Variants in DCTN5 observed in about 807,000 individuals in gnomAD.
The protein encoded by DCTN5 is dynactin 4.
In DCTN5, 14 loss-of-function variants were observed where a neutral mutation model predicts 23.5. The ratio of observed to expected loss-of-function variants is 0.60; its 90% CI spans 0.39 to 0.93. DCTN5 has a LOEUF of 0.93. DCTN5 is among the 40% of genes least tolerant of loss of function. The probability of loss-of-function intolerance (pLI) is 0.00; values close to 1 mark genes in which losing one functional copy is unlikely to be tolerated. For synonymous variants in DCTN5, 67 were observed against 79.6 expected, an observed-to-expected ratio of 0.84 and a Z score of 0.84; for missense variants, 156 against 225.9, an observed-to-expected ratio of 0.69 and a Z score of 1.98.
chr16:23,662,834 G>A (rs1322182794), intron 4 of DCTN5, among the ~76,000 whole-genome samples: 5 of 152,148 alleles, frequency 3.3e-5, no homozygotes, highest in African/African-American at 7.2e-5. Flanking sequence ...TAACCCTGTC[G>A]TTTATCCTCA....
At chr16:23,648,860 T>TGTTG (rs1319638721) in intron 2 of DCTN5, among the ~76,000 whole-genome samples, 1 of 151,636 alleles carries the variant, frequency 6.6e-6, no homozygotes, top group African/African-American at 2.4e-5. Context: ...AGTGATTTTT[T>TGTTG]GTTTGTTTGT....
At chr16:23,666,293 G>T (rs937092082) in intron 5 of DCTN5, among the ~76,000 whole-genome samples, 5 of 152,202 alleles carry the variant, frequency 3.3e-5, no homozygotes, top group Non-Finnish European at 5.9e-5. Context: ...GGAATTCCCA[G>T]ACTGAAAAGT....
chr16:23,648,509 C>T (rs1033060527), intron 2 of DCTN5, among the ~76,000 whole-genome samples: 45 of 151,456 alleles, frequency 3.0e-4, no homozygotes, highest in African/African-American at 8.7e-4. Flanking sequence ...ACCACCATGT[C>T]TGGCTAATTT....
rs371359620 is a variant in DCTN5, at chr16:23,642,937, T to G, written c.49-18T>G. ...CTATTAAGTTTGCTTTCCCCGGTTT[T>G]CCGTTGTTTTCTTTTAGGCATCTGG... On this transcript the variant is annotated intron_variant, in intron 1 of 5. Coordinates refer to ENST00000300087, the MANE Select transcript of DCTN5 (RefSeq NM_032486.4). The G allele has an allele frequency of 3.6e-4, 573 of 1,613,068 alleles. No homozygotes were observed. The highest frequency in any genetic ancestry group is 4.7e-4 in the Non-Finnish European group (551 of 1,179,124).
intron 4 of DCTN5, among the ~76,000 whole-genome samples, chr16:23,661,801 A>G (rs1410483066): frequency 1.3e-5 from 2 of 152,062 alleles, no homozygotes; most frequent in Non-Finnish European, 2.9e-5. Flanking sequence ...AGCGTTTATC[A>G]AGTCTCCTCT....
intron 5 of DCTN5, chr16:23,666,798 C>A: frequency 1.8e-6 from 1 of 541,106 alleles, no homozygotes. Flanking sequence ...GCCATTCTAC[C>A]GTGTCATGCA....
chr16:23,655,099 T>C (rs1967677339), intron 2 of DCTN5, among the ~76,000 whole-genome samples: 2 of 152,234 alleles, frequency 1.3e-5, no homozygotes, highest in Non-Finnish European at 2.9e-5. Flanking sequence ...GTCAAGCTTT[T>C]TTCACGCAGC....
rs1465679714 is a variant in DCTN5, at chr16:23,661,445, G to T, written c.348+164G>T. 2.0e-5 allele frequency among the ~76,000 whole-genome samples: 3 copies of T among 152,260 alleles called. No homozygotes were observed. In the East Asian group the frequency reaches 5.8e-4, roughly 29 times the overall value. On this transcript the variant is annotated intron_variant, in intron 4 of 5. Transcript: ENST00000300087. ...AGATATGGAATTTTTTCAGCTGGGT[G>T]CGGTGGCTCATGCCTGTAATCCCAG...
chr16:23,649,161 G>T (rs2140975607), intron 2 of DCTN5, among the ~76,000 whole-genome samples: 1 of 152,266 alleles, frequency 6.6e-6, no homozygotes, highest in Middle Eastern at 3.4e-3. Flanking sequence ...GTGCCTGGCT[G>T]ATTAGTGATG....
rs566193030 is a variant in DCTN5 at position 23,673,259 on chromosome 16, T to A, written c.*6115T>A. The stretch of plus-strand genomic sequence containing the variant: ...AGGATTTTCTTTAATATATCATTTT[T>A]TAAAAAAAAACTTGCTTGTATTTGT... On this transcript the variant is annotated 3_prime_UTR_variant, in exon 6 of 6. Coordinates refer to ENST00000300087, the MANE Select transcript of DCTN5 (RefSeq NM_032486.4). 1.3e-5 allele frequency: 2 copies of A among 152,334 alleles called. No homozygotes were observed. The highest frequency in any genetic ancestry group is 3.9e-4 in the East Asian group (2 of 5,188). The allele number at this position is 152,334 out of a possible 1,614,324, so 9.4% of individuals were successfully genotyped here.
At chr16:23,645,116 TATATATATATA>T (rs1967415049) in intron 2 of DCTN5, among the ~76,000 whole-genome samples, 13 of 41,734 alleles carry the variant, frequency 3.1e-4, no homozygotes, top group Admixed American at 8.7e-4. Context: ...TATATATATA[TATATATATATA>T]TATATATATA....
Position 23,647,405 on chromosome 16 carries a change from C to T in DCTN5, c.117+4382C>T, listed in dbSNP as rs890640088. Among the ~76,000 whole-genome samples the T allele has an allele frequency of 9.2e-5, 14 of 151,844 alleles. 1 individual carries two copies. The highest frequency in any genetic ancestry group is 2.6e-4 in the Admixed American group (4 of 15,254). On this transcript the variant is annotated intron_variant, in intron 2 of 5. Transcript: ENST00000300087. ...GATTACAGGTGTGAACCACTGTGCT[C>T]GGCCTACTATAATAAGTTTTTAATC...
At chr16:23,651,002 C>G in intron 2 of DCTN5, 10 of 1,399,602 alleles carry the variant, frequency 7.1e-6, no homozygotes, top group Non-Finnish European at 9.3e-6. Flanking sequence ...GGAAATCTCA[C>G]TTTTTAAAAT....
intron 1 of DCTN5, among the ~76,000 whole-genome samples, chr16:23,642,086 C>T (rs1294465303): frequency 6.6e-6 from 1 of 152,142 alleles, no homozygotes; most frequent in Non-Finnish European, 1.5e-5. Flanking sequence ...CGCCCGCCAC[C>T]ACGCCCGGCT....
chr16:23,661,701 A>G (rs755141438), intron 4 of DCTN5, among the ~76,000 whole-genome samples: 5 of 150,984 alleles, frequency 3.3e-5, no homozygotes, highest in Non-Finnish European at 7.4e-5. Flanking sequence ...CTGGGCAACA[A>G]AACGAGACAC....
At chr16:23,667,019 C>T (rs2140988958) in intron 5 of DCTN5, 28 bp from the exon 6 acceptor site, 6 of 1,613,356 alleles carry the variant, frequency 3.7e-6, no homozygotes, top group Non-Finnish European at 5.1e-6. Flanking sequence ...TCTTCAAGCT[C>T]CTTAGAGCTG....
chr16:23,663,896 G>GA (rs1967860716), intron 4 of DCTN5, among the ~76,000 whole-genome samples: 1 of 152,208 alleles, frequency 6.6e-6, no homozygotes, highest in Non-Finnish European at 1.5e-5. Flanking sequence ...CCAGTGGACA[G>GA]AGCAGGTGCC....
At position 23,667,942 on chromosome 16, in the gene DCTN5, ACTCTT is replaced by A. The variant is rs1967936657; in HGVS notation, c.*799_*803del. On this transcript the variant is annotated 3_prime_UTR_variant, in exon 6 of 6. Transcript: ENST00000300087. ...TTCATTGAAGACACCGCATTTGTGA[ACTCTT>A]GCTTCCTGGCCTAGAACCATTCAGC... 6.6e-6 allele frequency: 1 copy of A among 151,946 alleles called. No homozygotes were observed. The highest frequency in any genetic ancestry group is 1.5e-5 in the Non-Finnish European group (1 of 67,984). The allele number at this position is 151,946 out of a possible 1,614,324, so 9.4% of individuals were successfully genotyped here.
In DCTN5 at chr16:23,668,985, G is replaced by C. The variant is rs1478034605; in HGVS notation, c.*1841G>C. On this transcript the variant is annotated 3_prime_UTR_variant, in exon 6 of 6. Coordinates refer to ENST00000300087, the MANE Select transcript of DCTN5 (RefSeq NM_032486.4). ...AGGTGATGGGAAGACAAAAACAATA[G>C]CTACTACAAACAATAGGAGTTTATA... 1 of 152,606 alleles carries C rather than the reference G, an allele frequency of 6.6e-6. No homozygotes were observed. The highest frequency in any genetic ancestry group is 1.9e-4 in the East Asian group (1 of 5,204). 9.5% of individuals were successfully genotyped at this position (152,606 alleles called of 1,614,324 possible).
Sources: gnomAD v4.1 joint callset for allele counts (sites outside exome capture counted in the v4.1 genomes callset) on GRCh38, gnomAD v4.1.1 for gene constraint, MANE v1.5 for transcripts, NCBI Gene and HGNC (gene_info 2026-07-23, HGNC 2026-07-21) for gene names.